The following TRPV1 variants were observed in gnomAD, a reference collection of about 807,000 sequenced individuals.
TRPV1 encodes the protein OTRPC1.
Under a neutral mutation model 82.3 loss-of-function variants are expected in TRPV1, and 82 were observed. The ratio of observed to expected loss-of-function variants is 1.00; its 90% CI spans 0.83 to 1.20. TRPV1 has a LOEUF of 1.20. Ranked by LOEUF, TRPV1 falls within the 50% of genes most tolerant of loss-of-function variation. TRPV1 has a pLI of 0.00. For synonymous variants in TRPV1, 515 were observed against 467.7 expected, an observed-to-expected ratio of 1.10 and a Z score of -1.30; for missense variants, 1,067 against 1,096.8, an observed-to-expected ratio of 0.97 and a Z score of 0.38.
chr17:3,581,016 CAAA>C (rs557964098), intron 10 of TRPV1, among the ~76,000 whole-genome samples: 1 of 117,416 alleles, frequency 8.5e-6, no homozygotes, highest in Non-Finnish European at 1.8e-5. Flanking sequence ...GACTCCATCT[CAAA>C]AAAAAAAAAA....
chr17:3,584,470 C>T (rs1248744059), intron 9 of TRPV1, among the ~76,000 whole-genome samples: 4 of 146,210 alleles, frequency 2.7e-5, no homozygotes, highest in African/African-American at 5.1e-5. Context: ...GGACAGAAAT[C>T]GGGTTTCATG....
At chr17:3,582,212 A>AAAAAAAAAAAAAAAAAAC (rs1454690374) in intron 10 of TRPV1, among the ~76,000 whole-genome samples, 5 of 147,642 alleles carry the variant, frequency 3.4e-5, no homozygotes, top group Non-Finnish European at 7.5e-5. Flanking sequence ...AAAAAAAAAA[A>AAAAAAAAAAAAAAAAAAC]AATCACAGTG....
intron 2 of TRPV1, among the ~76,000 whole-genome samples, chr17:3,602,820 C>A (rs770305420): frequency 7.2e-5 from 11 of 152,204 alleles, no homozygotes; most frequent in Non-Finnish European, 1.5e-4. Context: ...CACCTGGGTT[C>A]CTCTCAAGAT....
rs191977563 is a variant in TRPV1 at position 3,582,695 on chromosome 17, C to T, written c.1476+643G>A. Among the ~76,000 whole-genome samples the T allele has an allele frequency of 9.2e-5, 14 of 151,932 alleles. 3 individuals carry two copies. Among genetic ancestry groups the T allele is most frequent in the East Asian group, 1.9e-4 (1 of 5,176 alleles). ...AATTCCTTGCTGGTGTGGTGGCTCA[C>T]GCCTGTAATCCCAGCACTTTGGGAG... On this transcript the variant is annotated intron_variant, in intron 10 of 16. Coordinates refer to ENST00000572705, the MANE Select transcript of TRPV1 (RefSeq NM_080704.4).
chr17:3,577,374 C>T (rs1446368620), intron 12 of TRPV1, among the ~76,000 whole-genome samples, 182 bp from the exon 13 acceptor site: 3 of 152,138 alleles, frequency 2.0e-5, no homozygotes, highest in Admixed American at 6.5e-5. Context: ...TTGTTCTGGT[C>T]GGGAGATGGA....
intron 2 of TRPV1, among the ~76,000 whole-genome samples, chr17:3,601,406 C>T (rs1280644438): frequency 2.0e-5 from 3 of 151,918 alleles, no homozygotes; most frequent in Non-Finnish European, 4.4e-5. Flanking sequence ...GACCCAGTCT[C>T]CTCTCCCACC....
chr17:3,575,339 C>T (rs1290236947), intron 13 of TRPV1, among the ~76,000 whole-genome samples: 4 of 151,944 alleles, frequency 2.6e-5, no homozygotes, highest in Admixed American at 1.3e-4. Flanking sequence ...AAAAATTAGC[C>T]GGGCGTGATG....
intron 5 of TRPV1, 54 bp downstream of exon 5, chr17:3,590,910 C>CG (rs956937666): frequency 4.6e-6 from 7 of 1,509,722 alleles, no homozygotes; most frequent in Non-Finnish European, 6.2e-6. Flanking sequence ...ACCATGCCCC[C>CG]CTGCTTCCCG....
intron 16 of TRPV1, among the ~76,000 whole-genome samples, chr17:3,568,045 G>T (rs973121017): frequency 6.6e-6 from 1 of 152,150 alleles, no homozygotes; most frequent in Non-Finnish European, 1.5e-5. Flanking sequence ...ACTCAAGGCC[G>T]GGCGCGGTGG....
intron 3 of TRPV1, among the ~76,000 whole-genome samples, chr17:3,591,627 C>T (rs35822717): frequency 0.022 from 3,327 of 152,256 alleles, 47 homozygotes; most frequent in Middle Eastern, 0.041. Flanking sequence ...TCTGCCTGCT[C>T]GGGAGCTCGG....
At chr17:3,577,023 A>C in intron 13 of TRPV1, 103 bp downstream of exon 13, 2 of 1,222,278 alleles carry the variant, frequency 1.6e-6, no homozygotes, top group Non-Finnish European at 2.3e-6. Context: ...GCAGACATGC[A>C]CCTGCCTACC....
In TRPV1 at chr17:3,591,214, T is replaced by C. The variant is rs772267254; in HGVS notation, c.424A>G (p.Lys142Glu). ...SLLLFLQKSK[K>E]HLTDNEFKDP... ...TTGAACTCGTTGTCTGTGAGGTGCT[T>C]CTTGCTCTTCTGCAGGAAGAGCAGC... The change falls in exon 4 of 17, where the codon AAG (lysine) becomes GAG (glutamate). Residue 142 changes from lysine to glutamate, a missense_variant. Transcript: ENST00000572705. 6.2e-7 allele frequency: 1 copy of C among 1,612,052 alleles called. No individual in the cohort carries two copies. Among genetic ancestry groups the C allele is most frequent in the Non-Finnish European group, 8.5e-7 (1 of 1,179,270 alleles).
At chr17:3,584,990 A>G (rs2075066591) in intron 9 of TRPV1, among the ~76,000 whole-genome samples, 1 of 152,180 alleles carries the variant, frequency 6.6e-6, no homozygotes, top group African/African-American at 2.4e-5. Context: ...AGAGCTGCTC[A>G]AAAGTCTAAA....
Position 3,573,769 on chromosome 17 carries a change from A to G in TRPV1, c.1967T>C (p.Phe656Ser). The G allele has an allele frequency of 6.2e-7, 1 of 1,613,958 alleles. No homozygotes were observed. Among genetic ancestry groups the G allele is most frequent in the Non-Finnish European group, 8.5e-7 (1 of 1,179,960 alleles). The change falls in exon 14 of 17, where the codon TTC (phenylalanine) becomes TCC (serine). Residue 656 changes from phenylalanine to serine, a missense_variant. Transcript: ENST00000572705. The stretch of plus-strand genomic sequence containing the variant: ...CAGCAGGATGATGAAGACAGCCTTG[A>G]AGTCATAGTTCTCAGTGAACTCCAG... ...GDLEFTENYD[F>S]KAVFIILLLA... is the part of the protein sequence containing the mutation.
At chr17:3,595,136 C>T (rs1000511393) in intron 2 of TRPV1, among the ~76,000 whole-genome samples, 72 of 152,240 alleles carry the variant, frequency 4.7e-4, no homozygotes, top group African/African-American at 1.7e-3. Context: ...GCACCAGAAG[C>T]GAATGAGAAG....
intron 15 of TRPV1, 106 bp downstream of exon 15, chr17:3,572,016 C>A: frequency 7.0e-7 from 1 of 1,432,748 alleles, no homozygotes; most frequent in East Asian, 2.5e-5. Flanking sequence ...GGGAGAGCCC[C>A]CTGTGCTCAT....
At chr17:3,570,184 A>G (rs921920343) in intron 16 of TRPV1, among the ~76,000 whole-genome samples, 2 of 152,146 alleles carry the variant, frequency 1.3e-5, no homozygotes, top group African/African-American at 4.8e-5. Flanking sequence ...CCTGGCCAAC[A>G]TGGTGAAAAC....
chr17:3,579,863 C>A (rs969905905), intron 11 of TRPV1, among the ~76,000 whole-genome samples: 7 of 152,194 alleles, frequency 4.6e-5, no homozygotes, highest in South Asian at 2.1e-4. Flanking sequence ...GGCACCACCC[C>A]CCAAAACAAG....
chr17:3,607,186 A>C (rs1044716063), intron 2 of TRPV1, among the ~76,000 whole-genome samples: 5 of 152,066 alleles, frequency 3.3e-5, no homozygotes, highest in Admixed American at 6.5e-5. Context: ...TCTACTAAAA[A>C]TACAAAAATT....
Sources: allele counts gnomAD v4.1 joint callset (sites outside exome capture counted in the v4.1 genomes callset), GRCh38; gene constraint gnomAD v4.1.1; transcripts MANE v1.5; gene names NCBI Gene and HGNC (gene_info 2026-07-23, HGNC 2026-07-21).